QSER1: variants seen among roughly 807,000 people sequenced by gnomAD.
QSER1 encodes the protein glutamine and serine-rich protein 1.
QSER1 carries 49 observed loss-of-function variants against 158.5 expected under a neutral mutation model. The ratio of observed to expected loss-of-function variants is 0.31; its 90% CI spans 0.25 to 0.39. The LOEUF (loss-of-function observed/expected upper bound fraction) is 0.39. Among genes scored for constraint, QSER1 ranks in the 10% least tolerant of loss-of-function variants. The pLI is 1.00. For missense variants in QSER1, 1,754 were observed against 2,010.3 expected (o/e 0.87, Z 2.44); for synonymous variants, 650 against 715.5 (o/e 0.91, Z 1.46).
Position 32,935,366 on chromosome 11 carries a change from G to A in QSER1, c.4108G>A (p.Asp1370Asn), listed in dbSNP as rs916942859. 6.2e-7 allele frequency: 1 copy of A among 1,605,200 alleles called. No homozygotes were observed. Among genetic ancestry groups the A allele is most frequent in the Non-Finnish European group, 8.5e-7 (1 of 1,177,666 alleles). ...SDEDDPGYSQ[D>N]AYKSVSTPLT... Reference sequence around the variant, plus strand: ...TGAAGATGATCCTGGATATAGTCAAGATGCTTATAAAAGCGTCTCTACTCC... The same window carrying A: ...TGAAGATGATCCTGGATATAGTCAAAATGCTTATAAAAGCGTCTCTACTCC... The change falls in exon 4 of 13, where the codon GAT becomes AAT. Residue 1370 changes from aspartate to asparagine, a missense_variant. Coordinates refer to ENST00000650167, the MANE Select transcript of QSER1 (RefSeq NM_001076786.3).
At chr11:32,902,799 A>G (rs1464555124) in intron 1 of QSER1, among the ~76,000 whole-genome samples, 1 of 152,224 alleles carries the variant, frequency 6.6e-6, no homozygotes, top group Non-Finnish European at 1.5e-5. Flanking sequence ...ATAATTTTAT[A>G]GTGTTATCTC....
chr11:32,969,739 C>G (rs1852817853), intron 10 of QSER1, among the ~76,000 whole-genome samples: 1 of 146,380 alleles, frequency 6.8e-6, no homozygotes, highest in Admixed American at 7.0e-5. Flanking sequence ...GGCTACATTG[C>G]AGTGGCACAA....
Position 32,932,263 on chromosome 11 carries a change from T to A in QSER1, c.1005T>A (p.Thr335=), listed in dbSNP as rs1464714839. The A allele has an allele frequency of 6.2e-7, 1 of 1,613,958 alleles. No homozygotes were observed. The highest frequency in any genetic ancestry group is 8.5e-7 in the Non-Finnish European group (1 of 1,180,026). ...CCCAGTCAATTCAGGCACAACTGAC[T>A]GGTTCACAGCACTCCTTACATAGTT... ...SGTQSIQAQL[T]GSQHSLHSYL... The change falls in exon 4 of 13, where the codon ACT becomes ACA. Residue 335 remains threonine, a synonymous_variant. Coordinates refer to ENST00000650167, the MANE Select transcript of QSER1 (RefSeq NM_001076786.3).
rs569550049 is a variant in QSER1, at chr11:32,935,740, A to G, written c.4177+305A>G. 5.3e-5 allele frequency among the ~76,000 whole-genome samples: 8 copies of G among 152,374 alleles called. No individual in the cohort carries two copies. In the East Asian group the frequency reaches 9.6e-4, roughly 18 times the overall value. On this transcript the variant is annotated intron_variant, in intron 4 of 12. Transcript: ENST00000650167. ...GGCACTGTATTGTGGGCATTGCTGT[A>G]GTATAAACCTGGTACATTTTCTTAG...
Position 32,933,751 on chromosome 11 carries a change from A to T in QSER1, c.2493A>T (p.Ser831=). ...AGCACGATCAAATAATTAATGCTTCATCTCAGATTCAAATTCCAAATCATG... is the reference window on the plus strand; with the variant it reads ...AGCACGATCAAATAATTAATGCTTCTTCTCAGATTCAAATTCCAAATCATG... ...QEQHDQIINA[S]SQIQIPNHAL... The change falls in exon 4 of 13, where the codon TCA becomes TCT. Residue 831 remains serine, a synonymous_variant. Coordinates refer to ENST00000650167, the MANE Select transcript of QSER1 (RefSeq NM_001076786.3). 1 of 1,614,000 alleles carries T rather than the reference A, an allele frequency of 6.2e-7. No homozygotes were observed. The highest frequency in any genetic ancestry group is 8.5e-7 in the Non-Finnish European group (1 of 1,179,948).
intron 4 of QSER1, among the ~76,000 whole-genome samples, chr11:32,940,569 T>C (rs1014526612): frequency 6.6e-6 from 1 of 152,170 alleles, no homozygotes; most frequent in African/African-American, 2.4e-5. Flanking sequence ...AAGTTTATCA[T>C]ACATAATAGG....
intron 8 of QSER1, among the ~76,000 whole-genome samples, chr11:32,961,702 A>G (rs1362410431): frequency 6.6e-6 from 1 of 152,018 alleles, no homozygotes; most frequent in African/African-American, 2.4e-5. Flanking sequence ...TATTTTTTGT[A>G]TTTGTGATTT....
At position 32,966,430 on chromosome 11, in the gene QSER1, G is replaced by A; in HGVS notation, c.5100G>A (p.Lys1700=). The part of the protein sequence containing the change: ...LDPDTMQALE[K]SNDELLLPHM... ...CTGACACAATGCAAGCCTTAGAGAA[G>A]AGCAATGGTACAGTCTTCTAAGTAG... is the stretch of plus-strand genomic sequence containing the variant. The change falls in exon 9 of 13, where the codon AAG becomes AAA. Residue 1700 remains lysine, a synonymous_variant. Coordinates refer to ENST00000650167, the MANE Select transcript of QSER1 (RefSeq NM_001076786.3). 1 of 1,613,086 alleles carries A rather than the reference G, an allele frequency of 6.2e-7. No homozygotes were observed. The highest frequency in any genetic ancestry group is 8.5e-7 in the Non-Finnish European group (1 of 1,179,628).
chr11:32,975,736 A>C, intron 12 of QSER1: 1 of 815,452 alleles, frequency 1.2e-6, no homozygotes, highest in Non-Finnish European at 1.6e-6. Context: ...ATCCCACTTA[A>C]TTGCAGAGAA....
intron 1 of QSER1, among the ~76,000 whole-genome samples, chr11:32,908,647 A>G (rs1851723600): frequency 6.6e-6 from 1 of 152,182 alleles, no homozygotes; most frequent in Admixed American, 6.5e-5. Context: ...GACATAGCAC[A>G]TTTTGTTTAT....
intron 4 of QSER1, among the ~76,000 whole-genome samples, chr11:32,939,180 CTGGTATGTT>C (rs745581061): frequency 6.6e-6 from 1 of 152,098 alleles, no homozygotes; most frequent in Non-Finnish European, 1.5e-5. Flanking sequence ...TTCAAAGTGA[CTGGTATGTT>C]TTTTCAAAAT....
intron 9 of QSER1, among the ~76,000 whole-genome samples, chr11:32,968,175 A>G (rs1852783997): frequency 6.6e-6 from 1 of 152,198 alleles, no homozygotes; most frequent in Non-Finnish European, 1.5e-5. Context: ...ACTTTTGTAG[A>G]ATGTAAATAC....
At chr11:32,963,246 C>T (rs1310711890) in intron 8 of QSER1, among the ~76,000 whole-genome samples, 2 of 151,932 alleles carry the variant, frequency 1.3e-5, no homozygotes, top group East Asian at 3.9e-4. Context: ...ACCTCAATAT[C>T]CCAGGCTCAT....
rs773404886 is a variant in QSER1, at chr11:32,933,163, GTCA to G, written c.1911_1913del (p.Ser638del). 6 of 1,613,716 alleles carry G rather than the reference GTCA, an allele frequency of 3.7e-6. No individual in the cohort carries two copies. Among genetic ancestry groups the G allele is most frequent in the East Asian group, 2.2e-5 (1 of 44,884 alleles). The stretch of plus-strand genomic sequence containing the variant: ...CTTCCCAAAATGTTCAGACTCAAGA[GTCA>G]TCATCTCCCCAGTCCCAGAAGTTTT... On this transcript the variant is annotated inframe_deletion, in exon 4 of 13. Transcript: ENST00000650167.
rs778652114 is a variant in QSER1, at chr11:32,935,189, C to G, written c.3931C>G (p.Gln1311Glu). Residue 1311 changes from glutamine (Q) to glutamate (E), a missense_variant, in exon 4 of 13, where the codon CAG becomes GAG. Transcript: ENST00000650167. ...TAACAGGACTAGACGGCCAGGGACC[C>G]AGATGGTTCGTACATTTTGTCCCCC... is the stretch of plus-strand genomic sequence containing the variant. ...MPNRTRRPGT[Q>E]MVRTFCPPPL... The G allele has an allele frequency of 7.4e-6, 12 of 1,613,962 alleles. No homozygotes were observed. The East Asian group carries it at 2.7e-4, about 36-fold the overall frequency.
At chr11:32,928,870 T>TA (rs1852009378) in intron 3 of QSER1, among the ~76,000 whole-genome samples, 1 of 152,200 alleles carries the variant, frequency 6.6e-6, no homozygotes. Flanking sequence ...TCTAAGGGGA[T>TA]AATCAATGAT....
chr11:32,953,009 G>A, intron 4 of QSER1, among the ~76,000 whole-genome samples: 1 of 151,880 alleles, frequency 6.6e-6, no homozygotes. Context: ...CACCATGTTG[G>A]TCAGGCTGGT....
At chr11:32,952,208 T>G (rs1296730649) in intron 4 of QSER1, among the ~76,000 whole-genome samples, 1 of 152,206 alleles carries the variant, frequency 6.6e-6, no homozygotes, top group Non-Finnish European at 1.5e-5. Context: ...ATATCCTTCT[T>G]AGGAGGAAAG....
chr11:32,933,544 A>G lies in QSER1; in HGVS notation c.2286A>G (p.Glu762=). ...GVALQASKKE[E]SVVGSVTQLN... is the part of the protein sequence containing the mutation. ...CTCTGCAAGCATCAAAAAAAGAAGA[A>G]AGTGTTGTTGGTTCAGTGACACAAC... The change falls in exon 4 of 13, where the codon GAA becomes GAG. Residue 762 remains glutamate, a synonymous_variant. Coordinates refer to ENST00000650167, the MANE Select transcript of QSER1 (RefSeq NM_001076786.3). 6.2e-7 allele frequency: 1 copy of G among 1,613,688 alleles called. No individual in the cohort carries two copies.
Sources: gnomAD v4.1 joint callset for allele counts (sites outside exome capture counted in the v4.1 genomes callset) on GRCh38, gnomAD v4.1.1 for gene constraint, MANE v1.5 for transcripts, NCBI Gene and HGNC (gene_info 2026-07-23, HGNC 2026-07-21) for gene names.